Variants in ENSA observed in about 807,000 individuals in gnomAD.
ENSA encodes endosulfine alpha.
ENSA carries 7 observed loss-of-function variants against 16.8 expected under a neutral mutation model. The ratio of observed to expected loss-of-function variants is 0.42; its 90% CI spans 0.24 to 0.78. ENSA has a LOEUF of 0.78. ENSA is among the 30% of genes least tolerant of loss of function. ENSA has a pLI of 0.29. For synonymous variants in ENSA, 58 were observed against 53.4 expected (o/e 1.09, Z -0.37); for missense variants, 87 against 142.3 (o/e 0.61, Z 1.98).
At chr1:150,626,019 A>T (rs1182521713) in intron 2 of ENSA, among the ~76,000 whole-genome samples, 1 of 152,220 alleles carries the variant, frequency 6.6e-6, no homozygotes, top group Non-Finnish European at 1.5e-5. Context: ...CAGGTACATA[A>T]GCAATTTCCC....
intron 1 of ENSA, chr1:150,629,148 C>G: frequency 6.2e-7 from 1 of 1,614,142 alleles, no homozygotes; most frequent in Non-Finnish European, 8.5e-7. Flanking sequence ...GCCCCACGTC[C>G]ATGCTCGGCC....
In ENSA at chr1:150,625,668, G is replaced by T. The variant is rs1649256208; in HGVS notation, c.324C>A (p.Ser108=). ...CCGCAAGCTTGCTGGTGACGAGCGA[G>T]GACTTTCTCTGGGGCAGATCCTGTG... ...PTPQDLPQRK[S]SLVTSKLAGG... The change falls in exon 3 of 4, where the codon TCC becomes TCA. Residue 108 remains serine, a synonymous_variant. Transcript: ENST00000369014. 3 of 1,608,812 alleles carry T rather than the reference G, an allele frequency of 1.9e-6. No homozygotes were observed. The South Asian group carries it at 3.3e-5, about 18-fold the overall frequency.
At chr1:150,628,374 T>C (rs1041462587) in intron 1 of ENSA, among the ~76,000 whole-genome samples, 1 of 152,166 alleles carries the variant, frequency 6.6e-6, no homozygotes, top group African/African-American at 2.4e-5. Flanking sequence ...AGGAAAATGA[T>C]ACTGTTTTTA....
rs587610444 is a variant in ENSA at position 150,622,327 on chromosome 1, G to A, written c.*517C>T. ...TCTCAACTAGCTCTGCAGAACTAGAGGAGCTGTTTGCATCTGTCTGTGCGG... is the reference window on the plus strand; with the variant it reads ...TCTCAACTAGCTCTGCAGAACTAGAAGAGCTGTTTGCATCTGTCTGTGCGG... On this transcript the variant is annotated 3_prime_UTR_variant, in exon 4 of 4. Transcript: ENST00000369014. 1.3e-5 allele frequency: 2 copies of A among 154,062 alleles called. No homozygotes were observed. Among genetic ancestry groups the A allele is most frequent in the African/African-American group, 2.4e-5 (1 of 41,614 alleles). 9.5% of individuals were successfully genotyped at this position (154,062 alleles called of 1,614,324 possible).
In ENSA at chr1:150,622,679, C is replaced by G. The variant is rs1649043838; in HGVS notation, c.*165G>C. 5.3e-6 allele frequency: 3 copies of G among 571,206 alleles called. No homozygotes were observed. Among genetic ancestry groups the G allele is most frequent in the Non-Finnish European group, 8.8e-6 (3 of 339,722 alleles). 35.4% of individuals were successfully genotyped at this position (571,206 alleles called of 1,614,324 possible). On this transcript the variant is annotated 3_prime_UTR_variant, in exon 4 of 4. Coordinates refer to ENST00000369014, the MANE Select transcript of ENSA (RefSeq NM_004436.4). ...TCTTGGTGCTCAGCCCAAGGGGCTC[C>G]ATGTGCTGGGACACCAACAGGAAAG...
intron 3 of ENSA, 179 bp downstream of exon 3, chr1:150,625,463 A>C (rs1461802415): frequency 3.8e-6 from 5 of 1,316,690 alleles, no homozygotes; most frequent in Non-Finnish European, 4.8e-6. Flanking sequence ...ATCTAACGAA[A>C]TAAATAAACT....
intron 3 of ENSA, chr1:150,623,137 A>C: frequency 8.4e-7 from 1 of 1,192,152 alleles, no homozygotes; most frequent in Non-Finnish European, 1.1e-6. Flanking sequence ...TAAGATCAAA[A>C]TAACTGGAGG....
intron 3 of ENSA, chr1:150,625,288 T>G: frequency 2.0e-6 from 2 of 1,011,714 alleles, no homozygotes; most frequent in Non-Finnish European, 2.4e-6. Context: ...CCTGCCAAAC[T>G]ATTCCCAAGG....
intron 3 of ENSA, chr1:150,623,824 G>A: frequency 3.0e-6 from 3 of 985,726 alleles, no homozygotes; most frequent in Non-Finnish European, 3.6e-6. Context: ...TTGGGGACCA[G>A]GGAGTCCAGG....
chr1:150,623,394 A>G, intron 3 of ENSA: 1 of 985,880 alleles, frequency 1.0e-6, no homozygotes, highest in Non-Finnish European at 1.2e-6. Flanking sequence ...AAACTGGCAA[A>G]TACAGAATGT....
intron 1 of ENSA, among the ~76,000 whole-genome samples, chr1:150,628,543 G>A (rs1354577459): frequency 6.8e-6 from 1 of 147,782 alleles, no homozygotes; most frequent in Non-Finnish European, 1.5e-5. Context: ...GTGACTTTTT[G>A]AAAAGATATG....
At chr1:150,627,412 T>C in intron 2 of ENSA, 55 bp downstream of exon 2, 15 of 1,614,214 alleles carry the variant, frequency 9.3e-6, no homozygotes, top group Non-Finnish European at 1.3e-5. Context: ...ACAGACTTCA[T>C]TCGAAGAACC....
intron 2 of ENSA, chr1:150,626,998 G>A: frequency 1.9e-6 from 2 of 1,045,000 alleles, no homozygotes; most frequent in South Asian, 3.1e-5. Context: ...TTTGCTGCAG[G>A]AGTATAATTA....
intron 1 of ENSA, among the ~76,000 whole-genome samples, chr1:150,627,801 C>T (rs2101748377): frequency 6.6e-6 from 1 of 152,308 alleles, no homozygotes; most frequent in Non-Finnish European, 1.5e-5. Flanking sequence ...GCTTCTCACA[C>T]TTCACCCAAG....
Position 150,627,193 on chromosome 1 carries a change from C to T in ENSA, c.183+274G>A. 5 of 1,493,572 alleles carry T rather than the reference C, an allele frequency of 3.3e-6. No homozygotes were observed. In the East Asian group the frequency reaches 9.3e-5, roughly 28 times the overall value. 92.5% of individuals were successfully genotyped at this position (1,493,572 alleles called of 1,614,324 possible). A position where few individuals can be genotyped will look rare whatever the true frequency, so the allele number is the denominator to read the frequency against. On this transcript the variant is annotated intron_variant, in intron 2 of 3. Coordinates refer to ENST00000369014, the MANE Select transcript of ENSA (RefSeq NM_004436.4). ...AAACAGGCAAATGCCTGGGGGCAGT[C>T]TGCATTTCAGTTTCTAACATCTTTC...
chr1:150,627,098 C>T (rs1174126670), intron 2 of ENSA: 3 of 1,381,392 alleles, frequency 2.2e-6, no homozygotes, highest in Non-Finnish European at 2.8e-6. Flanking sequence ...TGATCTTCTT[C>T]TGAAATGATG....
chr1:150,629,105 T>C (rs966935123), intron 1 of ENSA: 1 of 1,613,910 alleles, frequency 6.2e-7, no homozygotes, highest in Non-Finnish European at 8.5e-7. Flanking sequence ...CCACCAGCCA[T>C]CCCCTTTCCA....
chr1:150,623,814 T>G (rs1649121412), intron 3 of ENSA: 10 of 985,738 alleles, frequency 1.0e-5, no homozygotes, highest in Non-Finnish European at 1.2e-5. Context: ...GTCAAGGAGT[T>G]TGGGGACCAG....
rs369337537 is a variant in ENSA, at chr1:150,627,612, C to T, written c.58-20G>A. On this transcript the variant is annotated intron_variant, in intron 1 of 3. Transcript: ENST00000369014. ...CGTGTCCTGGAGAAAACAAATGAGC[C>T]AAATAAAATTAAAGACTGAGAAACA... 1.3e-6 allele frequency: 2 copies of T among 1,590,642 alleles called. No individual in the cohort carries two copies. Among genetic ancestry groups the T allele is most frequent in the Non-Finnish European group, 1.7e-6 (2 of 1,172,202 alleles).
Sources: gnomAD v4.1 joint callset for allele counts (sites outside exome capture counted in the v4.1 genomes callset) on GRCh38, gnomAD v4.1.1 for gene constraint, MANE v1.5 for transcripts, NCBI Gene and HGNC (gene_info 2026-07-23, HGNC 2026-07-21) for gene names.